Variants in PTPRT observed in about 807,000 individuals in gnomAD.
PTPRT encodes the protein receptor-type tyrosine-protein phosphatase T.
PTPRT carries 56 observed loss-of-function variants against 176.8 expected under a neutral mutation model. The ratio of observed to expected loss-of-function variants is 0.32; its 90% CI spans 0.26 to 0.40. The LOEUF (loss-of-function observed/expected upper bound fraction) is 0.40. Among genes scored for constraint, PTPRT ranks in the 10% least tolerant of loss-of-function variants. The pLI, the probability that PTPRT is intolerant of heterozygous loss-of-function variation, is 1.00. For synonymous variants in PTPRT, 783 were observed against 739.0 expected, an observed-to-expected ratio of 1.06 and a Z score of -0.96; for missense variants, 1,540 against 1,908.2, an observed-to-expected ratio of 0.81 and a Z score of 3.60.
chr20:42,914,447 A>G (rs993735695), intron 1 of PTPRT, among the ~76,000 whole-genome samples: 1 of 152,136 alleles, frequency 6.6e-6, no homozygotes, highest in Non-Finnish European at 1.5e-5. Context: ...GATCCTTAAA[A>G]CCCAATTCAA....
chr20:42,718,481 G>A lies in PTPRT; in HGVS notation c.859+37981C>T, dbSNP rs369057445. Among the ~76,000 whole-genome samples, 101 of 152,276 alleles carry A rather than the reference G, an allele frequency of 6.6e-4. No homozygotes were observed. The South Asian group carries it at 0.014, about 22-fold the overall frequency. ...GAACCCAGGGGGCGGAGCTTGCAGT[G>A]GGCCGAGATTGCGCCACTGCACTCC... is the stretch of plus-strand genomic sequence containing the variant. On this transcript the variant is annotated intron_variant, in intron 6 of 30. Coordinates refer to ENST00000373187, the MANE Select transcript of PTPRT (RefSeq NM_007050.6).
intron 12 of PTPRT, among the ~76,000 whole-genome samples, chr20:42,313,665 G>A (rs1021468666): frequency 5.9e-5 from 9 of 152,144 alleles, no homozygotes; most frequent in African/African-American, 1.9e-4. Context: ...CTTCTTAGAG[G>A]GTTGTGCTGA....
intron 6 of PTPRT, among the ~76,000 whole-genome samples, chr20:42,725,634 C>T (rs1322586234): frequency 6.6e-6 from 1 of 152,006 alleles, no homozygotes; most frequent in Non-Finnish European, 1.5e-5. Context: ...AGCAAAGTTC[C>T]ACAAACTTGG....
chr20:42,223,788 T>G (rs985783713), intron 15 of PTPRT, among the ~76,000 whole-genome samples: 2 of 152,180 alleles, frequency 1.3e-5, no homozygotes, highest in African/African-American at 4.8e-5. Context: ...AAAATTGGTA[T>G]GGGGAAGGAA....
At chr20:42,885,537 A>T (rs532234570) in intron 2 of PTPRT, among the ~76,000 whole-genome samples, 1 of 152,044 alleles carries the variant, frequency 6.6e-6, no homozygotes, top group Non-Finnish European at 1.5e-5. Flanking sequence ...CAGGCTCCCA[A>T]GCAAAACCCA....
chr20:42,085,919 A>G lies in PTPRT; in HGVS notation c.3847-66T>C. On this transcript the variant is annotated intron_variant, in intron 27 of 30. Transcript: ENST00000373187. The stretch of plus-strand genomic sequence containing the variant: ...GGGGGCGGGTATCAAAGTCTCATTT[A>G]TCAACAAGCTTTTCTTTTCTTTTTT... 8.2e-6 allele frequency: 12 copies of G among 1,463,184 alleles called. No homozygotes were observed. In the South Asian group the frequency reaches 1.5e-4, roughly 18 times the overall value. The allele number at this position is 1,463,184 out of a possible 1,614,324, so 90.6% of individuals were successfully genotyped here.
rs1983041665 is a variant in PTPRT, at chr20:42,078,913, C to G, written c.*1966G>C. The G allele has an allele frequency of 5.7e-6, 1 of 175,820 alleles. No individual in the cohort carries two copies. Among genetic ancestry groups the G allele is most frequent in the Admixed American group, 6.3e-5 (1 of 15,772 alleles). 10.9% of individuals were successfully genotyped at this position (175,820 alleles called of 1,614,324 possible). A position where few individuals can be genotyped will look rare whatever the true frequency, so the allele number is the denominator to read the frequency against. On this transcript the variant is annotated 3_prime_UTR_variant, in exon 31 of 31. Transcript: ENST00000373187. ...CCTAGGCTCATGGAACACTCATCCA[C>G]TCCACACTACTGCACCATGGTTCCA...
chr20:42,467,809 G>T (rs1243839635), intron 8 of PTPRT, among the ~76,000 whole-genome samples: 1 of 152,166 alleles, frequency 6.6e-6, no homozygotes, highest in Non-Finnish European at 1.5e-5. Flanking sequence ...AGTCTCCTTT[G>T]TACTATTCTT....
chr20:43,181,667 T>C (rs747061064), intron 1 of PTPRT, among the ~76,000 whole-genome samples: 4 of 152,220 alleles, frequency 2.6e-5, no homozygotes, highest in Admixed American at 6.5e-5. Flanking sequence ...CTTTCTTTTC[T>C]ATCCCTAATG....
At chr20:43,056,523 C>G (rs937569951) in intron 1 of PTPRT, among the ~76,000 whole-genome samples, 3 of 152,172 alleles carry the variant, frequency 2.0e-5, no homozygotes. Flanking sequence ...GGAACAAAGT[C>G]TTTTAAGATG....
intron 1 of PTPRT, among the ~76,000 whole-genome samples, chr20:42,925,574 A>G (rs927113519): frequency 6.6e-6 from 1 of 152,198 alleles, no homozygotes; most frequent in African/African-American, 2.4e-5. Flanking sequence ...ACACACTACA[A>G]AAAATTCCAT....
intron 7 of PTPRT, among the ~76,000 whole-genome samples, chr20:42,583,414 A>G (rs958188716): frequency 1.3e-5 from 2 of 152,202 alleles, no homozygotes; most frequent in African/African-American, 2.4e-5. Flanking sequence ...AATTCTGTCT[A>G]AACAGCCATG....
chr20:42,088,581 C>T (rs886294890), intron 27 of PTPRT, among the ~76,000 whole-genome samples: 6 of 152,230 alleles, frequency 3.9e-5, no homozygotes, highest in African/African-American at 1.4e-4. Context: ...CACCTTATAG[C>T]AGCAGTTGGC....
the PTPRT span, among the ~76,000 whole-genome samples, chr20:42,042,688 G>A: frequency 9.8e-5 from 15 of 152,288 alleles, no homozygotes; most frequent in East Asian, 2.3e-3. Context: ...CAAAAATAAG[G>A]CTACTGCCCT....
At chr20:42,966,685 A>C (rs1568706902) in intron 1 of PTPRT, among the ~76,000 whole-genome samples, 1 of 152,220 alleles carries the variant, frequency 6.6e-6, no homozygotes, top group Non-Finnish European at 1.5e-5. Context: ...CTTCCCCCGC[A>C]ACAGAGTTCT....
At chr20:42,609,914 G>A (rs951089842) in intron 7 of PTPRT, among the ~76,000 whole-genome samples, 1 of 152,190 alleles carries the variant, frequency 6.6e-6, no homozygotes, top group Non-Finnish European at 1.5e-5. Flanking sequence ...AGATCCCAGT[G>A]ACATGTGACA....
chr20:42,658,211 CTTGT>C (rs2075161386), intron 7 of PTPRT, among the ~76,000 whole-genome samples: 1 of 152,104 alleles, frequency 6.6e-6, no homozygotes, highest in Non-Finnish European at 1.5e-5. Flanking sequence ...AATATAGAAC[CTTGT>C]TTATGTACAT....
chr20:42,105,486 C>T (rs1986353426), intron 24 of PTPRT, among the ~76,000 whole-genome samples: 2 of 152,202 alleles, frequency 1.3e-5, no homozygotes, highest in Non-Finnish European at 2.9e-5. Context: ...TTCTGGAAAG[C>T]CATCTGTTAA....
intron 1 of PTPRT, among the ~76,000 whole-genome samples, chr20:43,098,435 C>T (rs930773951): frequency 6.6e-6 from 1 of 151,990 alleles, no homozygotes; most frequent in African/African-American, 2.4e-5. Flanking sequence ...TAACAGAGTA[C>T]GTAGAATATT....
Sources: gnomAD v4.1 joint callset for allele counts (sites outside exome capture counted in the v4.1 genomes callset) on GRCh38, gnomAD v4.1.1 for gene constraint, MANE v1.5 for transcripts, NCBI Gene and HGNC (gene_info 2026-07-23, HGNC 2026-07-21) for gene names.